Variants in P4HA2 observed in about 807,000 individuals in gnomAD.
The protein encoded by P4HA2 is prolyl 4-hydroxylase subunit alpha 2.
P4HA2 carries 46 observed loss-of-function variants against 76.9 expected under a neutral mutation model. The observed-to-expected ratio is 0.60, with a 90% CI of 0.47 to 0.76. The LOEUF is 0.76. P4HA2 is among the 30% of genes least tolerant of loss of function. The pLI, the probability that P4HA2 is intolerant of heterozygous loss-of-function variation, is 0.00. For synonymous variants in P4HA2, 243 were observed against 254.0 expected, an observed-to-expected ratio of 0.96 and a Z score of 0.41; for missense variants, 583 against 669.4, an observed-to-expected ratio of 0.87 and a Z score of 1.42.
chr5:132,217,964 GCTCT>G, intron 2 of P4HA2, 116 bp from the exon 3 acceptor site: 1 of 644,034 alleles, frequency 1.6e-6, no homozygotes, highest in Non-Finnish European at 2.8e-6. Context: ...GAACATGTCA[GCTCT>G]CTGAGGATTA....
At chr5:132,217,046 G>A in intron 4 of P4HA2, 151 bp downstream of exon 4, 1 of 604,766 alleles carries the variant, frequency 1.7e-6, no homozygotes, top group South Asian at 3.2e-5. Flanking sequence ...TCCCCACAGA[G>A]AAGGGAGAGA....
At chr5:132,217,534 A>AC in intron 3 of P4HA2, 186 bp from the exon 4 acceptor site, 2 of 644,272 alleles carry the variant, frequency 3.1e-6, no homozygotes, top group Non-Finnish European at 5.5e-6. Flanking sequence ...AACAGCTGGG[A>AC]CCCCCAATGT....
intron 6 of P4HA2, among the ~76,000 whole-genome samples, chr5:132,209,769 T>TC (rs374918360): frequency 3.6e-4 from 8 of 21,964 alleles, no homozygotes; most frequent in Middle Eastern, 0.016. Flanking sequence ...AGACTCTGTC[T>TC]CAAAAAAAAA....
At chr5:132,201,824 G>C (rs1211197513) in intron 10 of P4HA2, 1 of 152,218 alleles carries the variant, frequency 6.6e-6, no homozygotes, top group Non-Finnish European at 1.5e-5. Context: ...GTGTAAGACA[G>C]GGATACAGTG....
intron 10 of P4HA2, chr5:132,199,318 G>A (rs1379281987): frequency 4.4e-5 from 9 of 203,732 alleles, no homozygotes; most frequent in Non-Finnish European, 4.9e-5. Flanking sequence ...AGAGGAAAGT[G>A]AGTAACAAAT....
intron 4 of P4HA2, 67 bp downstream of exon 4, chr5:132,217,130 C>T: frequency 1.3e-6 from 2 of 1,503,634 alleles, no homozygotes; most frequent in East Asian, 2.3e-5. Context: ...CAGGCTCAGA[C>T]ACAACAACCC....
In P4HA2 at chr5:132,218,618, G is replaced by T. The variant is rs1316918483; in HGVS notation, c.9C>A (p.Leu3=). The T allele has an allele frequency of 6.2e-7, 1 of 1,613,096 alleles. No individual in the cohort carries two copies. Among genetic ancestry groups the T allele is most frequent in the Non-Finnish European group, 8.5e-7 (1 of 1,179,212 alleles). The change falls in exon 2 of 15, where the codon CTC becomes CTA. Residue 3 remains leucine (L), a synonymous_variant. Transcript: ENST00000360568. ...AGGCCATCAGCAATGCAGACACCCA[G>T]AGTTTCATGGTCACAGAGGGAAGTG... MK[L]WVSALLMAWF...
At chr5:132,226,999 A>G (rs1212663526) in intron 1 of P4HA2, 1 of 152,486 alleles carries the variant, frequency 6.6e-6, no homozygotes, top group Non-Finnish European at 1.5e-5. Flanking sequence ...CTCATGGGTC[A>G]CCTCCTCCGG....
intron 13 of P4HA2, 55 bp from the exon 14 acceptor site, chr5:132,195,077 C>T (rs1407947097): frequency 3.4e-6 from 4 of 1,187,902 alleles, no homozygotes; most frequent in Non-Finnish European, 3.8e-6. Flanking sequence ...GCTCAGGGAC[C>T]TGACTGCAAG....
intron 3 of P4HA2, 134 bp downstream of exon 3, chr5:132,217,618 C>CA: frequency 1.4e-6 from 1 of 712,340 alleles, no homozygotes; most frequent in South Asian, 1.7e-5. Context: ...CAAGCACTGG[C>CA]ATGAAGTAAC....
At chr5:132,214,901 A>G (rs926501000) in intron 4 of P4HA2, among the ~76,000 whole-genome samples, 4 of 152,180 alleles carry the variant, frequency 2.6e-5, no homozygotes, top group African/African-American at 9.7e-5. Flanking sequence ...TCCAAGCCCT[A>G]GCTGTAAAGT....
At chr5:132,199,003 A>G (rs1261076272) in intron 10 of P4HA2, 71 bp from the exon 11 acceptor site, 3 of 1,051,504 alleles carry the variant, frequency 2.9e-6, no homozygotes, top group Admixed American at 3.4e-5. Context: ...CACTCTAGGG[A>G]TACCATCTTC....
At chr5:132,212,594 G>C (rs1420415458) in intron 5 of P4HA2, among the ~76,000 whole-genome samples, 1 of 152,152 alleles carries the variant, frequency 6.6e-6, no homozygotes, top group Non-Finnish European at 1.5e-5. Context: ...GGACATTCAA[G>C]TACAGATGTC....
intron 12 of P4HA2, among the ~76,000 whole-genome samples, chr5:132,195,904 C>G (rs1750565051): frequency 6.6e-6 from 1 of 152,222 alleles, no homozygotes. Context: ...CACTGCAGCT[C>G]TGTTTCTCTG....
chr5:132,219,358 T>C (rs1754337216), intron 1 of P4HA2, among the ~76,000 whole-genome samples: 1 of 152,234 alleles, frequency 6.6e-6, no homozygotes, highest in South Asian at 2.1e-4. Context: ...GACCTGCAGA[T>C]GCCAGGCACT....
chr5:132,223,382 C>T (rs934775736), intron 1 of P4HA2, among the ~76,000 whole-genome samples: 1 of 152,220 alleles, frequency 6.6e-6, no homozygotes, highest in Non-Finnish European at 1.5e-5. Context: ...CCTGCCTCAG[C>T]CTCCTGAGTA....
intron 4 of P4HA2, among the ~76,000 whole-genome samples, chr5:132,216,673 C>T (rs1753939661): frequency 6.6e-6 from 1 of 152,166 alleles, no homozygotes; most frequent in Non-Finnish European, 1.5e-5. Flanking sequence ...TTAGATCAGA[C>T]CTATGCTCCC....
At chr5:132,214,196 C>A in intron 4 of P4HA2, 143 bp from the exon 5 acceptor site, 1 of 757,658 alleles carries the variant, frequency 1.3e-6, no homozygotes, top group Non-Finnish European at 2.1e-6. Context: ...CCCCCTTCCA[C>A]CAGGAAGTTG....
At chr5:132,193,914 C>T (rs1256858260) in intron 14 of P4HA2, among the ~76,000 whole-genome samples, 4 of 152,114 alleles carry the variant, frequency 2.6e-5, no homozygotes, top group Non-Finnish European at 4.4e-5. Context: ...ATAAAATTGT[C>T]GCAAGGCTTA....
Sources: gnomAD v4.1 joint callset for allele counts (sites outside exome capture counted in the v4.1 genomes callset) on GRCh38, gnomAD v4.1.1 for gene constraint, MANE v1.5 for transcripts, NCBI Gene and HGNC (gene_info 2026-07-23, HGNC 2026-07-21) for gene names.